Variants in IARS1 observed in about 807,000 individuals in gnomAD.
IARS1 encodes isoleucyl-tRNA synthetase 1, also known as isoleucine--tRNA ligase, cytoplasmic.
IARS1 carries 124 observed loss-of-function variants against 168.2 expected under a neutral mutation model. The ratio of observed to expected loss-of-function variants is 0.74; its 90% CI spans 0.64 to 0.86. IARS1 has a LOEUF of 0.86. IARS1 is among the 40% of genes least tolerant of loss of function. IARS1 has a pLI of 0.00. For synonymous variants in IARS1, 532 were observed against 529.4 expected, an observed-to-expected ratio of 1.00 and a Z score of -0.07; for missense variants, 1,452 against 1,515.8, an observed-to-expected ratio of 0.96 and a Z score of 0.70.
chr9:92,212,308 T>C (rs1006609406), intron 33 of IARS1, among the ~76,000 whole-genome samples: 12 of 152,198 alleles, frequency 7.9e-5, no homozygotes, highest in Non-Finnish European at 1.3e-4. Context: ...AACGAAGCTA[T>C]AGATACTAGA....
chr9:92,243,519 A>G (rs1828751372), intron 27 of IARS1: 4 of 449,696 alleles, frequency 8.9e-6, no homozygotes, highest in Non-Finnish European at 1.6e-5. Context: ...AAAGGTGTGC[A>G]GGTTTTTGTT....
chr9:92,284,930 A>G (rs756197207), intron 6 of IARS1, among the ~76,000 whole-genome samples: 11 of 152,250 alleles, frequency 7.2e-5, no homozygotes, highest in Non-Finnish European at 1.6e-4. Flanking sequence ...TGGTAAGGAG[A>G]TAATAGAAAT....
intron 1 of IARS1, among the ~76,000 whole-genome samples, chr9:92,290,605 C>A (rs1836166528): frequency 6.6e-6 from 1 of 152,058 alleles, no homozygotes; most frequent in Non-Finnish European, 1.5e-5. Context: ...CATCAATAAA[C>A]CATTACCTAA....
intron 7 of IARS1, among the ~76,000 whole-genome samples, chr9:92,279,422 G>A (rs1470954491): frequency 3.7e-4 from 57 of 152,322 alleles, no homozygotes; most frequent in Non-Finnish European, 1.5e-5. Context: ...GGGAAATTGT[G>A]CAGATGGGAC....
chr9:92,260,013 C>A, intron 18 of IARS1, 138 bp downstream of exon 18: 1 of 635,206 alleles, frequency 1.6e-6, no homozygotes, highest in East Asian at 2.7e-5. Context: ...ACAACCATAC[C>A]AACATAACAT....
intron 17 of IARS1, among the ~76,000 whole-genome samples, chr9:92,262,212 T>C (rs981149818): frequency 6.6e-6 from 1 of 152,164 alleles, no homozygotes; most frequent in South Asian, 2.1e-4. Flanking sequence ...AAAGGGATTA[T>C]AGGACCCATC....
At chr9:92,283,607 C>T (rs1564188152) in intron 6 of IARS1, among the ~76,000 whole-genome samples, 1 of 152,144 alleles carries the variant, frequency 6.6e-6, no homozygotes. Context: ...CACCACTGTA[C>T]TTCAGCCTGG....
At chr9:92,220,414 T>C (rs528358395) in intron 33 of IARS1, among the ~76,000 whole-genome samples, 1 of 151,488 alleles carries the variant, frequency 6.6e-6, no homozygotes, top group East Asian at 1.9e-4. Flanking sequence ...ACTTAAAGTA[T>C]AATAATAATA....
intron 16 of IARS1, among the ~76,000 whole-genome samples, chr9:92,263,911 G>A (rs1050106457): frequency 4.6e-5 from 7 of 152,158 alleles, no homozygotes; most frequent in Non-Finnish European, 7.3e-5. Flanking sequence ...AAAAAGGACT[G>A]GAATCTGAAG....
chr9:92,247,050 C>G (rs1049428952), intron 26 of IARS1, among the ~76,000 whole-genome samples: 1 of 151,988 alleles, frequency 6.6e-6, no homozygotes, highest in Non-Finnish European at 1.5e-5. Context: ...AAAAATTAGC[C>G]AGGCATGGTA....
intron 33 of IARS1, among the ~76,000 whole-genome samples, chr9:92,214,341 A>T (rs1838262227): frequency 6.6e-6 from 1 of 151,968 alleles, no homozygotes; most frequent in South Asian, 2.1e-4. Flanking sequence ...GGATCACCTG[A>T]GGTCAGGAGT....
At position 92,223,484 on chromosome 9, in the gene IARS1, G is replaced by C. The variant is rs1825133439; in HGVS notation, c.3415C>G (p.Gln1139Glu). ...AGACTCAGTAAGTCAGTTTGGTTTT[G>C]TATTTCTAAAAATAACAACAACAAT... Reference protein sequence around the residue: ...LAVFHDETEIQNQTDLLSLSG... With the variant: ...LAVFHDETEIENQTDLLSLSG... The change falls in exon 32 of 34, where the codon CAA becomes GAA. Residue 1139 changes from glutamine to glutamate, a missense_variant. Physicochemically the swap from Gln to Glu is conservative, Grantham distance 29. Coordinates refer to ENST00000443024, the MANE Select transcript of IARS1 (RefSeq NM_002161.6). The C allele has an allele frequency of 6.2e-7, 1 of 1,609,552 alleles. No homozygotes were observed. The highest frequency in any genetic ancestry group is 2.2e-5 in the East Asian group (1 of 44,850).
rs1273717595 is a variant in IARS1, at chr9:92,229,093, T to A, written c.3317A>T (p.Asp1106Val). Residue 1106 changes from aspartate (D) to valine (V), a missense_variant, in exon 31 of 34, where the codon GAC (aspartate) becomes GTC (valine). Coordinates refer to ENST00000443024, the MANE Select transcript of IARS1 (RefSeq NM_002161.6). ...GVLLLENPKG[D>V]NRLDLLKLKS... ...CAGCTTTAAAAGGTCCAACCTATTG[T>A]CACCTTTTGGATTTTCCAGGAGCAA... is the stretch of plus-strand genomic sequence containing the variant. 1 of 1,613,914 alleles carries A rather than the reference T, an allele frequency of 6.2e-7. No homozygotes were observed. Among genetic ancestry groups the A allele is most frequent in the Admixed American group, 1.7e-5 (1 of 59,998 alleles).
chr9:92,216,207 C>T (rs1310731711), intron 33 of IARS1, among the ~76,000 whole-genome samples: 3 of 149,998 alleles, frequency 2.0e-5, no homozygotes, highest in African/African-American at 7.3e-5. Context: ...AAATACTTTA[C>T]AGACAAGCAA....
chr9:92,242,074 A>G (rs780482672), intron 29 of IARS1, 80 bp downstream of exon 29: 4 of 1,065,624 alleles, frequency 3.8e-6, no homozygotes, highest in Non-Finnish European at 5.7e-6. Context: ...ACTGTGGGAC[A>G]GAATATCAAC....
chr9:92,288,181 T>C lies in IARS1; in HGVS notation c.221A>G (p.Gln74Arg), dbSNP rs768546605. 5 of 1,613,956 alleles carry C rather than the reference T, an allele frequency of 3.1e-6. No individual in the cohort carries two copies. In the African/African-American group the frequency reaches 6.7e-5, roughly 22 times the overall value. Residue 74 changes from glutamine to arginine, a missense_variant, in exon 3 of 34, where the codon CAG becomes CGG. Transcript: ENST00000443024. Reference protein sequence around the residue: ...IKDIVTRYAHQSGFHVDRRFG... With the variant: ...IKDIVTRYAHRSGFHVDRRFG... ...TCTTCTGTCAACATGAAACCCACTC[T>C]GGTGAGCATATCTTGTAACTATATC...
intron 30 of IARS1, among the ~76,000 whole-genome samples, chr9:92,236,677 G>A (rs924806073): frequency 9.9e-5 from 15 of 152,056 alleles, no homozygotes; most frequent in Non-Finnish European, 1.6e-4. Context: ...GTGAAACCCC[G>A]TCTCTACAAA....
In IARS1 at chr9:92,250,398, A is replaced by C. The variant is rs539077959; in HGVS notation, c.2430-109T>G. ...AGGGTCAGGCTAGAGAAGTGTGGCT[A>C]GGCCCTCCTGGTGAAGCACTGGGGA... On this transcript the variant is annotated intron_variant, in intron 23 of 33. Transcript: ENST00000443024. 6 of 757,810 alleles carry C rather than the reference A, an allele frequency of 7.9e-6. No homozygotes were observed. The East Asian group carries it at 1.5e-4, about 19-fold the overall frequency. 46.9% of individuals were successfully genotyped at this position (757,810 alleles called of 1,614,324 possible). A position where few individuals can be genotyped will look rare whatever the true frequency, so the allele number is the denominator to read the frequency against.
chr9:92,290,933 G>A (rs1165548620), intron 1 of IARS1, among the ~76,000 whole-genome samples: 2 of 152,138 alleles, frequency 1.3e-5, no homozygotes, highest in Admixed American at 6.6e-5. Context: ...CTAAAAAGAT[G>A]AGAATCTCAC....
Sources: allele counts gnomAD v4.1 joint callset (sites outside exome capture counted in the v4.1 genomes callset), GRCh38; gene constraint gnomAD v4.1.1; transcripts MANE v1.5; gene names NCBI Gene and HGNC (gene_info 2026-07-23, HGNC 2026-07-21).